ZNF320: variants seen among roughly 807,000 people sequenced by gnomAD.
The protein encoded by ZNF320 is zinc finger protein 320, also known as zinc finger gene 320.
In ZNF320, 2 loss-of-function variants were observed where a neutral mutation model predicts 6.8. The ratio of observed to expected loss-of-function variants is 0.29; its 90% CI spans 0.12 to 0.93. The LOEUF is 0.93. Ranked by LOEUF, ZNF320 falls within the 40% of genes least tolerant of loss-of-function variation. The probability of loss-of-function intolerance (pLI) is 0.55; values close to 1 mark genes in which losing one functional copy is unlikely to be tolerated. For synonymous variants in ZNF320, 208 were observed against 203.2 expected, an observed-to-expected ratio of 1.02 and a Z score of -0.20; for missense variants, 472 against 611.0, an observed-to-expected ratio of 0.77 and a Z score of 2.40.
chr19:52,865,791 A>G (rs1281838861), intron 5 of ZNF320, among the ~76,000 whole-genome samples: 1 of 122,928 alleles, frequency 8.1e-6, no homozygotes, highest in Non-Finnish European at 1.6e-5. Context: ...ATATATGATT[A>G]TACACATATA....
Position 52,877,662 on chromosome 19 carries a change from T to G in ZNF320, c.*2934A>C, listed in dbSNP as rs1226795542. The G allele has an allele frequency of 6.6e-6, 1 of 152,240 alleles. No homozygotes were observed. Among genetic ancestry groups the G allele is most frequent in the East Asian group, 1.9e-4 (1 of 5,200 alleles). 9.4% of individuals were successfully genotyped at this position (152,240 alleles called of 1,614,324 possible). On this transcript the variant is annotated 3_prime_UTR_variant, in exon 6 of 6. Coordinates refer to ENST00000682928, the MANE Select transcript of ZNF320 (RefSeq NM_001351774.2). ...TAGCTTTTTAAAAAATCTTTGTAAC[T>G]ATCTTGTTTAGGAATAAAATGGAAG...
At chr19:52,884,048 A>G (rs1304827144) in intron 5 of ZNF320, among the ~76,000 whole-genome samples, 1 of 152,174 alleles carries the variant, frequency 6.6e-6, no homozygotes, top group African/African-American at 2.4e-5. Flanking sequence ...GCATTTATAG[A>G]GACATTAAAG....
At chr19:52,903,046 C>T in the ZNF320 span, among the ~76,000 whole-genome samples, 2 of 152,096 alleles carry the variant, frequency 1.3e-5, no homozygotes, top group African/African-American at 4.8e-5. Context: ...AATCTTTTTA[C>T]TATAGGTATA....
At chr19:52,860,605 AAAAAAG>A (rs1555813172), downstream of ZNF320, among the ~76,000 whole-genome samples, 1 of 151,734 alleles carries the variant, frequency 6.6e-6, no homozygotes, top group South Asian at 2.1e-4. Flanking sequence ...ATCAAAAAAA[AAAAAAG>A]AAAAAGAAAA....
chr19:52,887,637 A>G (rs1221263709), intron 5 of ZNF320, among the ~76,000 whole-genome samples: 1 of 152,152 alleles, frequency 6.6e-6, no homozygotes, highest in African/African-American at 2.4e-5. Flanking sequence ...TCTGGGCTGG[A>G]GTGCAGCGGT....
At position 52,879,784 on chromosome 19, in the gene ZNF320, C is replaced by G. The variant is rs1418063675; in HGVS notation, c.*812G>C. 6.6e-6 allele frequency: 1 copy of G among 151,956 alleles called. No homozygotes were observed. The highest frequency in any genetic ancestry group is 6.6e-5 in the Admixed American group (1 of 15,256). The allele number at this position is 151,956 out of a possible 1,614,324, so 9.4% of individuals were successfully genotyped here. On this transcript the variant is annotated 3_prime_UTR_variant, in exon 6 of 6. Coordinates refer to ENST00000682928, the MANE Select transcript of ZNF320 (RefSeq NM_001351774.2). ...ACAGCACCAAAAATTAGTTGAATTT[C>G]CATACATTAACAATAAACAATTTAA...
At chr19:52,871,306 CG>C (rs2063676844), downstream of ZNF320, among the ~76,000 whole-genome samples, 1 of 151,962 alleles carries the variant, frequency 6.6e-6, no homozygotes, top group African/African-American at 2.4e-5. Flanking sequence ...AGCCACAGAG[CG>C]ATATTTTCTC....
the ZNF320 span, among the ~76,000 whole-genome samples, chr19:52,903,968 G>A: frequency 2.0e-5 from 3 of 151,552 alleles, no homozygotes; most frequent in African/African-American, 4.9e-5. Context: ...CAGATGGAGT[G>A]GGGCAAGTTC....
At chr19:52,889,631 G>A (rs2064222572) in intron 4 of ZNF320, among the ~76,000 whole-genome samples, 1 of 152,022 alleles carries the variant, frequency 6.6e-6, no homozygotes, top group African/African-American at 2.4e-5. Context: ...TGCTAAGAAT[G>A]GTCTAACGAA....
intron 5 of ZNF320, among the ~76,000 whole-genome samples, chr19:52,883,104 T>A (rs1327510699): frequency 6.6e-6 from 1 of 152,010 alleles, no homozygotes; most frequent in Non-Finnish European, 1.5e-5. Flanking sequence ...TGCAATGGCA[T>A]AATCTTGGTT....
At position 52,881,797 on chromosome 19, in the gene ZNF320, T is replaced by G. The variant is rs778504189; in HGVS notation, c.329A>C (p.Glu110Ala). ...CTTTTTTATTTCTGTCATGGGTGCT[T>G]CATGGTCATTTGTTTCATCTTCTTG... ...QWQEDETNDHEAPMTEIKKLT... is the reference protein window; with the variant it reads ...QWQEDETNDHAAPMTEIKKLT... Residue 110 changes from glutamate (E) to alanine (A), a missense_variant, in exon 6 of 6, where the codon GAA (glutamate) becomes GCA (alanine). By Grantham distance (107) the Glu-to-Ala change is moderately radical. Coordinates refer to ENST00000682928, the MANE Select transcript of ZNF320 (RefSeq NM_001351774.2). 1 of 1,613,912 alleles carries G rather than the reference T, an allele frequency of 6.2e-7. No individual in the cohort carries two copies.
chr19:52,887,007 A>AAGGAAGG (rs775287918), intron 5 of ZNF320, among the ~76,000 whole-genome samples: 1 of 81,702 alleles, frequency 1.2e-5, no homozygotes, highest in Non-Finnish European at 2.8e-5. Flanking sequence ...GGAAGGAAGG[A>AAGGAAGG]AAAGAAAAAA....
chr19:52,896,002 T>G, intron 1 of ZNF320, among the ~76,000 whole-genome samples: 2 of 152,254 alleles, frequency 1.3e-5, no homozygotes, highest in Admixed American at 1.3e-4. Context: ...TAATAAAATG[T>G]AGGGTCAAAG....
chr19:52,865,577 T>A (rs59656477), intron 5 of ZNF320: 59,160 of 121,734 alleles, frequency 0.49, 15,344 homozygotes, highest in African/African-American at 0.54. Context: ...ACATATATAT[T>A]TATATGATTA....
chr19:52,867,181 A>C lies in ZNF320; in HGVS notation c.224-3022T>G, dbSNP rs201096840. Among the ~76,000 whole-genome samples the C allele has an allele frequency of 5.0e-3, 764 of 151,596 alleles. 9 individuals are homozygous for C. The highest frequency in any genetic ancestry group is 0.017 in the African/African-American group (683 of 41,256). The stretch of plus-strand genomic sequence containing the variant: ...CATGTTTGGATTTAATTAATTAATT[A>C]ATTAATTAATTTATTTATTTATGTA... On this transcript the variant is annotated intron_variant, in intron 5 of 5. Transcript: ENST00000673631.
chr19:52,897,731 G>T (rs537459005), upstream of ZNF320: 6 of 151,390 alleles, frequency 4.0e-5, no homozygotes, highest in East Asian at 1.2e-3. Flanking sequence ...GCCTGGGCGG[G>T]ACCCCCGAGA....
chr19:52,863,179 C>T (rs753154869), exon 6 of ZNF320, among the ~76,000 whole-genome samples: 2 of 151,956 alleles, frequency 1.3e-5, no homozygotes, highest in South Asian at 2.1e-4. Context: ...AGACTGGTCT[C>T]GAACTCCTTA....
rs142015174 is a variant in ZNF320 at position 52,861,004 on chromosome 19, A to AAAACAAAC, written c.*3017_*3024dup. Among the ~76,000 whole-genome samples the AAAACAAAC allele has an allele frequency of 7.5e-3, 1,128 of 150,510 alleles. 17 individuals carry two copies. The highest frequency in any genetic ancestry group is 0.026 in the African/African-American group (1,051 of 40,488). ...TGGGCGACAGAGTGAGATTCCGTCA[A>AAAACAAAC]AAACAAACAAACAAACAAACAAACA... On this transcript the variant is annotated 3_prime_UTR_variant, in exon 6 of 6. Coordinates refer to the ZNF320 transcript ENST00000673631.
downstream of ZNF320, among the ~76,000 whole-genome samples, chr19:52,859,723 C>T (rs185120567): frequency 2.4e-4 from 37 of 152,242 alleles, no homozygotes; most frequent in Middle Eastern, 3.4e-3. Context: ...GTTACTTTAT[C>T]ACTCCGTAAG....
Sources: gnomAD v4.1 joint callset for allele counts (sites outside exome capture counted in the v4.1 genomes callset) on GRCh38, gnomAD v4.1.1 for gene constraint, MANE v1.5 for transcripts, NCBI Gene and HGNC (gene_info 2026-07-23, HGNC 2026-07-21) for gene names.